The following NUBPL variants were observed in gnomAD, a reference collection of about 807,000 sequenced individuals.
NUBPL encodes the protein NUBP iron-sulfur cluster assembly factor, mitochondrial.
A neutral mutation model predicts 45.7 loss-of-function variants in NUBPL; 31 were observed. That is an observed-to-expected ratio of 0.68 (90% confidence interval 0.51 to 0.92). The LOEUF (loss-of-function observed/expected upper bound fraction) is 0.92. Among genes scored for constraint, NUBPL ranks in the 40% least tolerant of loss-of-function variants. NUBPL has a pLI of 0.00. For synonymous variants in NUBPL, 144 were observed against 140.9 expected, an observed-to-expected ratio of 1.02 and a Z score of -0.15; for missense variants, 401 against 398.7, an observed-to-expected ratio of 1.01 and a Z score of -0.05.
At position 31,629,871 on chromosome 14, in the gene NUBPL, C is replaced by T. The variant is rs116934209; in HGVS notation, c.382+30492C>T. ...CTGTGGTTTGTGACATCGTTTTTCT[C>T]GTACTTCTTTTCTTTGGACCATTCT... On this transcript the variant is annotated intron_variant, in intron 4 of 10. Coordinates refer to ENST00000281081, the MANE Select transcript of NUBPL (RefSeq NM_025152.3). Among the ~76,000 whole-genome samples the T allele has an allele frequency of 9.3e-4, 142 of 152,170 alleles. 2 individuals are homozygous for T. In the East Asian group the frequency reaches 0.027, roughly 29 times the overall value.
chr14:31,758,651 C>T (rs564613530), intron 6 of NUBPL, among the ~76,000 whole-genome samples: 1 of 151,968 alleles, frequency 6.6e-6, no homozygotes, highest in East Asian at 1.9e-4. Context: ...TTATATCTCC[C>T]ATCAAAAAGG....
intron 4 of NUBPL, among the ~76,000 whole-genome samples, chr14:31,637,935 T>G (rs2035556311): frequency 6.6e-6 from 1 of 152,220 alleles, no homozygotes; most frequent in Admixed American, 6.5e-5. Flanking sequence ...ATTTTCCATT[T>G]GCTTGGTAGA....
intron 6 of NUBPL, among the ~76,000 whole-genome samples, chr14:31,711,494 A>G (rs571894340): frequency 6.6e-6 from 1 of 152,074 alleles, no homozygotes; most frequent in Non-Finnish European, 1.5e-5. Flanking sequence ...GCAATAGGCG[A>G]TAGTCTTACT....
At chr14:31,617,265 G>A (rs1355134069) in intron 4 of NUBPL, among the ~76,000 whole-genome samples, 1 of 151,796 alleles carries the variant, frequency 6.6e-6, no homozygotes, top group Non-Finnish European at 1.5e-5. Flanking sequence ...TACCCTTTAT[G>A]TTTCTTTCTC....
intron 8 of NUBPL, among the ~76,000 whole-genome samples, chr14:31,827,866 C>G (rs950575617): frequency 6.6e-6 from 1 of 152,176 alleles, no homozygotes; most frequent in Non-Finnish European, 1.5e-5. Context: ...AAATGTTTAT[C>G]TCTCAGAGGG....
intron 4 of NUBPL, among the ~76,000 whole-genome samples, chr14:31,634,712 A>G (rs1452276869): frequency 4.6e-5 from 7 of 152,122 alleles, no homozygotes; most frequent in Non-Finnish European, 1.0e-4. Context: ...CCAACAATGT[A>G]AAAGTGTTCC....
rs147971908 is a variant in NUBPL, at chr14:31,834,146, A to G, written c.693+7432A>G. On this transcript the variant is annotated intron_variant, in intron 8 of 10. Coordinates refer to ENST00000281081, the MANE Select transcript of NUBPL (RefSeq NM_025152.3). ...TGGTTTAATTTTTCTGCTAAAAACA[A>G]AAAACAGAGACAAGCCTACTGTGGC... Among the ~76,000 whole-genome samples the G allele has an allele frequency of 5.1e-3, 771 of 152,094 alleles. 14 individuals carry two copies. Among genetic ancestry groups the G allele is most frequent in the African/African-American group, 0.017 (719 of 41,478 alleles).
chr14:31,630,084 A>C (rs2035303327), intron 4 of NUBPL, among the ~76,000 whole-genome samples: 1 of 152,242 alleles, frequency 6.6e-6, no homozygotes, highest in Non-Finnish European at 1.5e-5. Context: ...CAAATAATGA[A>C]CAGCAACAGA....
At chr14:31,637,041 C>T (rs557191622) in intron 4 of NUBPL, among the ~76,000 whole-genome samples, 5 of 152,122 alleles carry the variant, frequency 3.3e-5, no homozygotes, top group Non-Finnish European at 7.3e-5. Context: ...CAGAAACCAG[C>T]TCCTGGATTC....
At chr14:31,657,772 G>A (rs139568002) in intron 4 of NUBPL, among the ~76,000 whole-genome samples, 38 of 151,932 alleles carry the variant, frequency 2.5e-4, no homozygotes, top group African/African-American at 9.2e-4. Context: ...ACTACTCATG[G>A]GTATGTATTG....
intron 4 of NUBPL, among the ~76,000 whole-genome samples, chr14:31,672,273 A>ATGTGTGTGTGTGTGTG (rs3035682): frequency 6.8e-6 from 1 of 148,108 alleles, no homozygotes; most frequent in Non-Finnish European, 1.5e-5. Flanking sequence ...CTGATTAGAT[A>ATGTGTGTGTGTGTGTG]TGTGTGTGTG....
intron 7 of NUBPL, among the ~76,000 whole-genome samples, chr14:31,800,291 C>T (rs1326009317): frequency 6.6e-6 from 1 of 152,096 alleles, no homozygotes; most frequent in Non-Finnish European, 1.5e-5. Context: ...TATTTTGACC[C>T]CTGCCCATGA....
At chr14:31,628,521 T>C (rs886186439) in intron 4 of NUBPL, among the ~76,000 whole-genome samples, 4 of 152,224 alleles carry the variant, frequency 2.6e-5, no homozygotes, top group African/African-American at 4.8e-5. Flanking sequence ...CTAATTTACT[T>C]GAAAGTTTTA....
chr14:31,829,199 G>A (rs1402558524), intron 8 of NUBPL, among the ~76,000 whole-genome samples: 2 of 152,068 alleles, frequency 1.3e-5, no homozygotes, highest in Non-Finnish European at 2.9e-5. Flanking sequence ...ATTCTTCCAA[G>A]TTGAAATTTA....
intron 7 of NUBPL, among the ~76,000 whole-genome samples, chr14:31,811,114 A>G (rs186129279): frequency 5.3e-5 from 8 of 152,122 alleles, no homozygotes; most frequent in African/African-American, 1.4e-4. Flanking sequence ...GCTCTTTTCA[A>G]GGAGTATATT....
intron 6 of NUBPL, among the ~76,000 whole-genome samples, chr14:31,688,515 G>A (rs1465528295): frequency 1.3e-5 from 2 of 151,048 alleles, no homozygotes; most frequent in African/African-American, 2.4e-5. Flanking sequence ...AGGCCGAGGA[G>A]GTTGCAGTGA....
At chr14:31,791,264 TAA>T (rs1370907049) in intron 7 of NUBPL, among the ~76,000 whole-genome samples, 1 of 152,178 alleles carries the variant, frequency 6.6e-6, no homozygotes, top group African/African-American at 2.4e-5. Context: ...GGTGATAGAA[TAA>T]GACCCTGTCT....
At chr14:31,691,381 A>G (rs2037090379) in intron 6 of NUBPL, among the ~76,000 whole-genome samples, 2 of 152,192 alleles carry the variant, frequency 1.3e-5, no homozygotes, top group Non-Finnish European at 2.9e-5. Flanking sequence ...TGACTATGCT[A>G]TTGGTAAGGC....
At chr14:31,742,856 C>T (rs905659482) in intron 6 of NUBPL, among the ~76,000 whole-genome samples, 1 of 152,052 alleles carries the variant, frequency 6.6e-6, no homozygotes, top group Admixed American at 6.6e-5. Context: ...ATATGCCTGC[C>T]TCAGCCTCCC....
Sources: gnomAD v4.1 joint callset for allele counts (sites outside exome capture counted in the v4.1 genomes callset) on GRCh38, gnomAD v4.1.1 for gene constraint, MANE v1.5 for transcripts, NCBI Gene and HGNC (gene_info 2026-07-23, HGNC 2026-07-21) for gene names.